The following EPG5 variants were observed in gnomAD, a reference collection of about 807,000 sequenced individuals.
EPG5 encodes ectopic P granules protein 5 homolog.
EPG5 carries 159 observed loss-of-function variants against 302.7 expected under a neutral mutation model. That is an observed-to-expected ratio of 0.53 (90% CI 0.46 to 0.60). The LOEUF (loss-of-function observed/expected upper bound fraction) is 0.60, where lower values mean the gene tolerates loss of function less well. Among genes scored for constraint, EPG5 ranks in the 20% least tolerant of loss-of-function variants. EPG5 has a pLI of 0.00. For synonymous variants in EPG5, 1,158 were observed against 1,136.8 expected (o/e 1.02, Z -0.37); for missense variants, 2,896 against 3,092.4 (o/e 0.94, Z 1.51).
chr18:45,836,962 G>T, the EPG5 span: 3 of 861,224 alleles, frequency 3.5e-6, no homozygotes, highest in Non-Finnish European at 6.1e-6. Context: ...TGTGACTTCA[G>T]TTACTCAACT....
At chr18:45,813,960 T>A in the EPG5 span, among the ~76,000 whole-genome samples, 1 of 151,906 alleles carries the variant, frequency 6.6e-6, no homozygotes, top group African/African-American at 2.4e-5. Context: ...AATTTAGAAA[T>A]TTGAAAAAAA....
At chr18:45,820,922 C>T in the EPG5 span, among the ~76,000 whole-genome samples, 3 of 152,086 alleles carry the variant, frequency 2.0e-5, no homozygotes, top group Non-Finnish European at 2.9e-5. Context: ...AACAGTAGTC[C>T]CCCAGGACAA....
chr18:45,850,354 C>T lies in EPG5; in HGVS notation c.*2113G>A, dbSNP rs980677725. On this transcript the variant is annotated 3_prime_UTR_variant, in exon 44 of 44. Transcript: ENST00000282041. Reference sequence around the variant, plus strand: ...CAGGCGGGCTGGTCTCTCTGCCGCCCTTCTTTCCCAGGAGGCTACAGCAGC... The same window carrying T: ...CAGGCGGGCTGGTCTCTCTGCCGCCTTTCTTTCCCAGGAGGCTACAGCAGC... The T allele has an allele frequency of 6.6e-6, 1 of 152,292 alleles. No individual in the cohort carries two copies. The highest frequency in any genetic ancestry group is 2.4e-5 in the African/African-American group (1 of 41,448). The allele number at this position is 152,292 out of a possible 1,614,324, so 9.4% of individuals were successfully genotyped here.
At chr18:45,946,163 A>G (rs1472219597) in intron 7 of EPG5, among the ~76,000 whole-genome samples, 2 of 152,218 alleles carry the variant, frequency 1.3e-5, no homozygotes, top group Non-Finnish European at 2.9e-5. Flanking sequence ...ATTCTCACCA[A>G]AAATGGAAAA....
chr18:45,918,573 T>C (rs569077377), intron 16 of EPG5, among the ~76,000 whole-genome samples: 1 of 152,252 alleles, frequency 6.6e-6, no homozygotes, highest in South Asian at 2.1e-4. Flanking sequence ...GAAAAAAATA[T>C]AAAATATGAT....
the EPG5 span, among the ~76,000 whole-genome samples, chr18:45,812,679 T>G: frequency 2.0e-5 from 3 of 152,258 alleles, no homozygotes; most frequent in Non-Finnish European, 4.4e-5. Context: ...AAGGATTCCC[T>G]ATTTAATAAA....
At chr18:45,869,535 G>A (rs1049382502) in intron 36 of EPG5, among the ~76,000 whole-genome samples, 13 of 152,076 alleles carry the variant, frequency 8.5e-5, no homozygotes, top group African/African-American at 1.9e-4. Context: ...TATAGTTAAG[G>A]TCATCCTTTT....
intron 35 of EPG5, among the ~76,000 whole-genome samples, chr18:45,871,328 G>A (rs2048867733): frequency 6.6e-6 from 1 of 152,174 alleles, no homozygotes; most frequent in Non-Finnish European, 1.5e-5. Flanking sequence ...AACACTGTTG[G>A]GGGGAGTGTA....
the EPG5 span, among the ~76,000 whole-genome samples, chr18:45,841,571 T>C: frequency 1.6e-3 from 238 of 151,024 alleles, no homozygotes; most frequent in African/African-American, 5.5e-3. Flanking sequence ...GGTGCAGGGG[T>C]GGCGGTGGGG....
chr18:45,825,746 G>C, the EPG5 span: 2 of 1,614,238 alleles, frequency 1.2e-6, no homozygotes, highest in East Asian at 2.2e-5. Context: ...AGTCCATCTG[G>C]CTGCTGGCCT....
At chr18:45,958,453 T>C (rs910397103) in intron 1 of EPG5, among the ~76,000 whole-genome samples, 3 of 145,560 alleles carry the variant, frequency 2.1e-5, no homozygotes, top group Non-Finnish European at 4.4e-5. Flanking sequence ...ATAAAGACAG[T>C]ATAGTGTTGG....
the EPG5 span, among the ~76,000 whole-genome samples, chr18:45,832,755 G>C: frequency 1.3e-5 from 2 of 152,172 alleles, no homozygotes; most frequent in African/African-American, 4.8e-5. Flanking sequence ...TAGCAGACAG[G>C]CATAAGCTGC....
chr18:45,880,056 G>C lies in EPG5; in HGVS notation c.5667+19C>G, dbSNP rs761823556. On this transcript the variant is annotated intron_variant, in intron 32 of 43. Coordinates refer to ENST00000282041, the MANE Select transcript of EPG5 (RefSeq NM_020964.3). ...TAAAAAGAAATGCACAAACACGTCA[G>C]AGACCAAAGGCTACACACCTGCTTG... is the stretch of plus-strand genomic sequence containing the variant. The C allele has an allele frequency of 1.3e-6, 2 of 1,530,364 alleles. No homozygotes were observed. Among genetic ancestry groups the C allele is most frequent in the Non-Finnish European group, 1.8e-6 (2 of 1,134,970 alleles). 94.8% of individuals were successfully genotyped at this position (1,530,364 alleles called of 1,614,324 possible). A position where few individuals can be genotyped will look rare whatever the true frequency, so the allele number is the denominator to read the frequency against.
intron 1 of EPG5, among the ~76,000 whole-genome samples, chr18:45,964,720 C>G (rs1356502976): frequency 6.6e-6 from 1 of 152,106 alleles, no homozygotes; most frequent in Non-Finnish European, 1.5e-5. Flanking sequence ...GTAATCCCAG[C>G]ACTGTGGGAG....
intron 5 of EPG5, 86 bp downstream of exon 5, chr18:45,949,398 C>CT (rs903849624): frequency 2.8e-3 from 1,874 of 678,900 alleles, no homozygotes; most frequent in South Asian, 4.3e-3. Flanking sequence ...TTAAATAGTC[C>CT]TTTTTTTTTC....
intron 39 of EPG5, among the ~76,000 whole-genome samples, chr18:45,863,379 C>T (rs2048676326): frequency 6.6e-6 from 1 of 152,112 alleles, no homozygotes; most frequent in Non-Finnish European, 1.5e-5. Context: ...ATACTTTGGA[C>T]ATTCCTTTTT....
chr18:45,825,484 A>T, the EPG5 span: 1 of 559,546 alleles, frequency 1.8e-6, no homozygotes, highest in Non-Finnish European at 3.2e-6. Flanking sequence ...CTGGAAAATC[A>T]TCCCAGTGAT....
chr18:45,891,385 G>T (rs776746674), intron 27 of EPG5, among the ~76,000 whole-genome samples: 1 of 151,774 alleles, frequency 6.6e-6, no homozygotes, highest in South Asian at 2.1e-4. Flanking sequence ...TGTAATCCTG[G>T]CTACTCAGGA....
chr18:45,825,893 C>A, the EPG5 span: 1 of 1,285,384 alleles, frequency 7.8e-7, no homozygotes, highest in Non-Finnish European at 1.1e-6. Flanking sequence ...GCCTCCAGGC[C>A]TGTGGAGGAG....
Sources: gnomAD v4.1 joint callset for allele counts (sites outside exome capture counted in the v4.1 genomes callset) on GRCh38, gnomAD v4.1.1 for gene constraint, MANE v1.5 for transcripts, NCBI Gene and HGNC (gene_info 2026-07-23, HGNC 2026-07-21) for gene names.